NCKAP5: variants seen among roughly 807,000 people sequenced by gnomAD.
NCKAP5 encodes the protein nck-associated protein 5.
A neutral mutation model predicts 167.0 loss-of-function variants in NCKAP5; 92 were observed. The ratio of observed to expected loss-of-function variants is 0.55; its 90% CI spans 0.47 to 0.66. The LOEUF (loss-of-function observed/expected upper bound fraction) is 0.66. Ranked by LOEUF, NCKAP5 falls within the 30% of genes least tolerant of loss-of-function variation. The pLI, the probability that NCKAP5 is intolerant of heterozygous loss-of-function variation, is 0.00. For missense variants in NCKAP5, 2,378 were observed against 2,315.0 expected (o/e 1.03, Z -0.56); for synonymous variants, 891 against 877.4 (o/e 1.02, Z -0.27).
chr2:133,218,231 C>T (rs1020529050), intron 4 of NCKAP5, among the ~76,000 whole-genome samples: 3 of 151,986 alleles, frequency 2.0e-5, no homozygotes, highest in Non-Finnish European at 2.9e-5. Flanking sequence ...AAAAGTCATC[C>T]TAAACAGTAA....
At chr2:133,165,964 C>T (rs1559214632) in intron 5 of NCKAP5, among the ~76,000 whole-genome samples, 1 of 152,112 alleles carries the variant, frequency 6.6e-6, no homozygotes, top group Non-Finnish European at 1.5e-5. Context: ...CTGCTCTACG[C>T]TGTGTTCCAT....
At position 133,332,910 on chromosome 2, in the gene NCKAP5, G is replaced by T. The variant is rs951231473; in HGVS notation, c.70-29800C>A. 2.6e-5 allele frequency among the ~76,000 whole-genome samples: 4 copies of T among 152,316 alleles called. No individual in the cohort carries two copies. In the East Asian group the frequency reaches 7.7e-4, roughly 29 times the overall value. ...GAGCTGTGGACTAAGCCCTTCACGG[G>T]CAAATCCATCACTGTAGAGGTATAC... is the stretch of plus-strand genomic sequence containing the variant. On this transcript the variant is annotated intron_variant, in intron 3 of 19. Transcript: ENST00000409261.
intron 3 of NCKAP5, among the ~76,000 whole-genome samples, chr2:133,397,495 A>G (rs1160211242): frequency 2.0e-5 from 3 of 152,182 alleles, no homozygotes; most frequent in African/African-American, 7.2e-5. Context: ...TGTTTCCCAG[A>G]CTGTTCTTTC....
At chr2:133,439,019 A>C (rs1456074442) in intron 3 of NCKAP5, among the ~76,000 whole-genome samples, 1 of 152,200 alleles carries the variant, frequency 6.6e-6, no homozygotes, top group African/African-American at 2.4e-5. Context: ...AAACTGTTTG[A>C]TCTTGTTACA....
At chr2:133,083,272 T>A (rs1384899969) in intron 6 of NCKAP5, among the ~76,000 whole-genome samples, 1 of 151,942 alleles carries the variant, frequency 6.6e-6, no homozygotes, top group Non-Finnish European at 1.5e-5. Context: ...ATTCCCAGAG[T>A]CAAAGCATTG....
At chr2:132,699,003 C>G (rs1052663587) in intron 19 of NCKAP5, among the ~76,000 whole-genome samples, 1 of 152,178 alleles carries the variant, frequency 6.6e-6, no homozygotes, top group Non-Finnish European at 1.5e-5. Flanking sequence ...TAAAGATTTA[C>G]CACAATATAC....
chr2:133,308,298 C>T (rs1168449167), intron 3 of NCKAP5, among the ~76,000 whole-genome samples: 2 of 151,784 alleles, frequency 1.3e-5, no homozygotes, highest in East Asian at 1.9e-4. Flanking sequence ...CCATTTTAGC[C>T]GGGATGGTCT....
At chr2:133,504,780 G>C (rs1682851352) in intron 3 of NCKAP5, among the ~76,000 whole-genome samples, 1 of 152,182 alleles carries the variant, frequency 6.6e-6, no homozygotes, top group South Asian at 2.1e-4. Flanking sequence ...GGCCTGGCAA[G>C]AGGCCACTGG....
At chr2:132,932,751 G>GA (rs921160168) in intron 8 of NCKAP5, among the ~76,000 whole-genome samples, 4 of 151,838 alleles carry the variant, frequency 2.6e-5, no homozygotes, top group Non-Finnish European at 5.9e-5. Context: ...AGAACACATA[G>GA]AAAAAAACAA....
At chr2:132,714,558 C>T (rs1024652236) in intron 19 of NCKAP5, among the ~76,000 whole-genome samples, 1 of 152,136 alleles carries the variant, frequency 6.6e-6, no homozygotes, top group African/African-American at 2.4e-5. Flanking sequence ...TGGCTCATGC[C>T]TGTAATCCCA....
chr2:133,166,570 C>T (rs115558905), intron 5 of NCKAP5, among the ~76,000 whole-genome samples: 3 of 152,284 alleles, frequency 2.0e-5, no homozygotes, highest in Admixed American at 1.3e-4. Context: ...CTTAGGCCAG[C>T]TTTTCCTACC....
chr2:132,915,954 T>C (rs1694841139), intron 8 of NCKAP5, among the ~76,000 whole-genome samples: 1 of 151,990 alleles, frequency 6.6e-6, no homozygotes, highest in Non-Finnish European at 1.5e-5. Context: ...GTTAAGTGAA[T>C]TATCACACAT....
intron 3 of NCKAP5, among the ~76,000 whole-genome samples, chr2:133,444,401 TAG>T (rs1455630761): frequency 0.064 from 7,874 of 123,038 alleles, 345 homozygotes; most frequent in East Asian, 0.19. Flanking sequence ...GATAGATAGA[TAG>T]ATAGATATAG....
At chr2:133,214,968 C>T (rs1326951683) in intron 4 of NCKAP5, among the ~76,000 whole-genome samples, 4 of 152,168 alleles carry the variant, frequency 2.6e-5, no homozygotes, top group Admixed American at 2.0e-4. Flanking sequence ...CAAGAAGACA[C>T]GTGCTTTTGT....
At chr2:133,517,288 G>T (rs1372946178) in intron 3 of NCKAP5, among the ~76,000 whole-genome samples, 170 bp downstream of exon 3, 1 of 152,164 alleles carries the variant, frequency 6.6e-6, no homozygotes, top group Admixed American at 6.5e-5. Context: ...CCAATAATTT[G>T]CTGGCTTTTG....
intron 19 of NCKAP5, among the ~76,000 whole-genome samples, chr2:132,705,546 A>G (rs1196043847): frequency 6.6e-6 from 1 of 152,188 alleles, no homozygotes; most frequent in Non-Finnish European, 1.5e-5. Context: ...AAACTCTTTC[A>G]TAATCATAAT....
intron 2 of NCKAP5, among the ~76,000 whole-genome samples, chr2:133,541,866 A>G (rs1347081269): frequency 6.6e-6 from 1 of 151,980 alleles, no homozygotes; most frequent in Non-Finnish European, 1.5e-5. Context: ...GCCCCAAACC[A>G]CTTTGCAAAA....
intron 4 of NCKAP5, among the ~76,000 whole-genome samples, chr2:133,221,366 A>G (rs919199787): frequency 1.3e-5 from 2 of 152,136 alleles, no homozygotes; most frequent in Non-Finnish European, 1.5e-5. Flanking sequence ...AAACTTACTT[A>G]TGTTTATGTA....
the NCKAP5 span, among the ~76,000 whole-genome samples, chr2:133,622,113 T>C: frequency 6.6e-6 from 1 of 151,966 alleles, no homozygotes; most frequent in Non-Finnish European, 1.5e-5. Flanking sequence ...TTCAGCAAAA[T>C]TGGCACAGAA....
Sources: allele counts gnomAD v4.1 joint callset (sites outside exome capture counted in the v4.1 genomes callset), GRCh38; gene constraint gnomAD v4.1.1; transcripts MANE v1.5; gene names NCBI Gene and HGNC (gene_info 2026-07-23, HGNC 2026-07-21).